Variants in ZNF407 observed in about 807,000 individuals in gnomAD.
ZNF407 encodes the protein zinc finger protein 407.
A neutral mutation model predicts 131.2 loss-of-function variants in ZNF407; 17 were observed. The observed-to-expected ratio is 0.13, with a 90% confidence interval of 0.09 to 0.19. The LOEUF is 0.19. Ranked by LOEUF, ZNF407 falls within the 10% of genes least tolerant of loss-of-function variation. The pLI, the probability that ZNF407 is intolerant of heterozygous loss-of-function variation, is 1.00. For synonymous variants in ZNF407, 1,156 were observed against 1,062.0 expected, an observed-to-expected ratio of 1.09 and a Z score of -1.72; for missense variants, 2,681 against 2,830.6, an observed-to-expected ratio of 0.95 and a Z score of 1.20.
intron 4 of ZNF407, among the ~76,000 whole-genome samples, chr18:74,793,149 T>A (rs1035324288): frequency 1.6e-4 from 25 of 152,224 alleles, no homozygotes; most frequent in African/African-American, 6.0e-4. Context: ...TTTTCTTTAC[T>A]CATTGTATGT....
chr18:75,042,837 A>G lies in ZNF407; in HGVS notation c.5429-20313A>G, dbSNP rs9989607. Among the ~76,000 whole-genome samples the G allele has an allele frequency of 1.8e-3, 272 of 152,250 alleles. 2 individuals are homozygous for G. Among genetic ancestry groups the G allele is most frequent in the African/African-American group, 6.3e-3 (261 of 41,536 alleles). On this transcript the variant is annotated intron_variant, in intron 8 of 8. Coordinates refer to ENST00000299687, the MANE Select transcript of ZNF407 (RefSeq NM_017757.3). ...GTACCCATCTATTTCACTTGGCACA[A>G]TGCTTTTCAACTTCATTCCCATTGC...
chr18:74,889,795 C>T, intron 6 of ZNF407, 123 bp from the exon 7 acceptor site: 1 of 820,694 alleles, frequency 1.2e-6, no homozygotes, highest in Non-Finnish European at 1.9e-6. Flanking sequence ...GTGTGGAGTC[C>T]ATTGAATCAT....
intron 7 of ZNF407, among the ~76,000 whole-genome samples, chr18:74,900,709 C>T (rs1160251996): frequency 6.6e-6 from 1 of 152,134 alleles, no homozygotes; most frequent in African/African-American, 2.4e-5. Context: ...TTGAAGAGCA[C>T]CCAGTCATTT....
rs554414114 is a variant in ZNF407 at position 75,027,618 on chromosome 18, C to T, written c.5429-35532C>T. 2.6e-5 allele frequency among the ~76,000 whole-genome samples: 4 copies of T among 152,218 alleles called. No homozygotes were observed. In the South Asian group the frequency reaches 8.3e-4, roughly 32 times the overall value. On this transcript the variant is annotated intron_variant, in intron 8 of 8. Transcript: ENST00000299687. ...CTAAGTTTCCATCTTGAGCTATGTG[C>T]AAGTGTTGTTGCCATCTGATCTCTA... is the stretch of plus-strand genomic sequence containing the variant.
chr18:75,057,134 C>T (rs1004901784), intron 8 of ZNF407, among the ~76,000 whole-genome samples: 15 of 152,076 alleles, frequency 9.9e-5, no homozygotes, highest in African/African-American at 7.2e-5. Context: ...ACTGGGCCTA[C>T]GAAAATATAA....
At chr18:74,862,558 T>C (rs1226787550) in intron 4 of ZNF407, among the ~76,000 whole-genome samples, 1 of 152,238 alleles carries the variant, frequency 6.6e-6, no homozygotes, top group African/African-American at 2.4e-5. Flanking sequence ...TACCAAGATA[T>C]AAAATGCATT....
At chr18:74,999,370 AAAAAACAAAG>A (rs1972818154) in intron 8 of ZNF407, among the ~76,000 whole-genome samples, 3 of 150,120 alleles carry the variant, frequency 2.0e-5, no homozygotes, top group African/African-American at 7.4e-5. Context: ...AAAAAAAAAA[AAAAAACAAAG>A]GTAAAACTTA....
chr18:74,727,951 G>A (rs1372806284), intron 3 of ZNF407, among the ~76,000 whole-genome samples: 1 of 152,174 alleles, frequency 6.6e-6, no homozygotes, highest in Non-Finnish European at 1.5e-5. Flanking sequence ...CCAGTGATGA[G>A]CTTTTTGCTT....
intron 8 of ZNF407, among the ~76,000 whole-genome samples, chr18:74,960,355 G>A (rs1972325877): frequency 6.7e-6 from 1 of 148,798 alleles, no homozygotes; most frequent in Non-Finnish European, 1.5e-5. Context: ...GATAGGAGAA[G>A]GTCCTGAGTG....
chr18:74,739,649 T>C (rs1044778272), intron 3 of ZNF407, among the ~76,000 whole-genome samples: 2 of 152,068 alleles, frequency 1.3e-5, no homozygotes, highest in African/African-American at 4.8e-5. Context: ...ACGTATAACC[T>C]TACCTCCAAA....
chr18:75,042,520 A>G lies in ZNF407; in HGVS notation c.5429-20630A>G, dbSNP rs183187554. 2.0e-4 allele frequency among the ~76,000 whole-genome samples: 31 copies of G among 152,328 alleles called. 1 individual carries two copies. In the East Asian group the frequency reaches 5.6e-3, roughly 27 times the overall value. On this transcript the variant is annotated intron_variant, in intron 8 of 8. Transcript: ENST00000299687. ...CCCACTGAATTTAGGAGTGCTCCAC[A>G]GCATTTTTGACAGGAAATGATTGGC... is the stretch of plus-strand genomic sequence containing the variant.
At chr18:74,774,975 G>C (rs1328559434) in intron 3 of ZNF407, among the ~76,000 whole-genome samples, 1 of 152,152 alleles carries the variant, frequency 6.6e-6, no homozygotes, top group Non-Finnish European at 1.5e-5. Context: ...TGGTGAGCCG[G>C]TTTGGAGAGG....
intron 7 of ZNF407, chr18:74,898,012 C>T (rs1032723842): frequency 6.6e-6 from 1 of 152,230 alleles, no homozygotes; most frequent in African/African-American, 2.4e-5. Flanking sequence ...ATTTTATTTT[C>T]AGCTTCTTTG....
At chr18:74,962,534 C>T (rs1017331716) in intron 8 of ZNF407, among the ~76,000 whole-genome samples, 9 of 152,242 alleles carry the variant, frequency 5.9e-5, no homozygotes, top group East Asian at 3.8e-4. Context: ...AACTGACCCC[C>T]GCCACTCTTG....
At chr18:74,948,501 A>G (rs1972179338) in intron 8 of ZNF407, among the ~76,000 whole-genome samples, 2 of 152,220 alleles carry the variant, frequency 1.3e-5, no homozygotes, top group South Asian at 4.1e-4. Flanking sequence ...TTTCGATTCT[A>G]TGGAAATCAT....
intron 3 of ZNF407, among the ~76,000 whole-genome samples, chr18:74,761,246 G>A (rs998356144): frequency 2.6e-5 from 4 of 152,108 alleles, no homozygotes; most frequent in Non-Finnish European, 5.9e-5. Flanking sequence ...AAGGAGCATT[G>A]TACAATAAAT....
intron 1 of ZNF407, among the ~76,000 whole-genome samples, chr18:74,618,793 C>G (rs1327041141): frequency 6.6e-5 from 10 of 152,126 alleles, no homozygotes; most frequent in Non-Finnish European, 1.5e-4. Context: ...TACAAATGGA[C>G]TTGGATAGAA....
intron 3 of ZNF407, among the ~76,000 whole-genome samples, chr18:74,768,505 C>T (rs1466089434): frequency 6.6e-6 from 1 of 152,160 alleles, no homozygotes; most frequent in Non-Finnish European, 1.5e-5. Context: ...TGTGTTTTAG[C>T]TCCTGCACAT....
At chr18:74,706,367 C>T (rs1331682454) in intron 3 of ZNF407, among the ~76,000 whole-genome samples, 2 of 152,084 alleles carry the variant, frequency 1.3e-5, no homozygotes, top group Non-Finnish European at 2.9e-5. Context: ...CTGTAATAAA[C>T]TCTTAGAATT....
Sources: gnomAD v4.1 joint callset for allele counts (sites outside exome capture counted in the v4.1 genomes callset) on GRCh38, gnomAD v4.1.1 for gene constraint, MANE v1.5 for transcripts, NCBI Gene and HGNC (gene_info 2026-07-23, HGNC 2026-07-21) for gene names.